PKM: variants seen among roughly 807,000 people sequenced by gnomAD.
The protein encoded by PKM is pyruvate kinase M1/2, also known as pyruvate kinase PKM.
In PKM, 18 loss-of-function variants were observed where a neutral mutation model predicts 49.8. The observed-to-expected ratio is 0.36, with a 90% confidence interval of 0.25 to 0.54. The LOEUF is 0.54. PKM is among the 20% of genes least tolerant of loss of function. The probability of loss-of-function intolerance (pLI) is 0.89; values close to 1 mark genes in which losing one functional copy is unlikely to be tolerated. For synonymous variants in PKM, 239 were observed against 261.8 expected, an observed-to-expected ratio of 0.91 and a Z score of 0.84; for missense variants, 508 against 713.8, an observed-to-expected ratio of 0.71 and a Z score of 3.28.
chr15:72,207,002 G>C, intron 7 of PKM, 122 bp from the exon 8 acceptor site: 2 of 1,474,300 alleles, frequency 1.4e-6, no homozygotes, highest in South Asian at 2.3e-5. Flanking sequence ...AGGTACATGG[G>C]GGAAGGGGAT....
chr15:72,230,638 A>T (rs924472677), intron 1 of PKM, among the ~76,000 whole-genome samples: 3 of 152,110 alleles, frequency 2.0e-5, no homozygotes, highest in Non-Finnish European at 4.4e-5. Flanking sequence ...AGTTTCAATG[A>T]GTTACACAGA....
chr15:72,205,445 C>T (rs759633142), intron 8 of PKM, among the ~76,000 whole-genome samples: 2 of 152,106 alleles, frequency 1.3e-5, no homozygotes, highest in Non-Finnish European at 2.9e-5. Flanking sequence ...TGGGGAAACC[C>T]ACTAAGGATG....
intron 3 of PKM, among the ~76,000 whole-genome samples, chr15:72,210,839 C>G (rs2082233017): frequency 6.6e-6 from 1 of 152,120 alleles, no homozygotes; most frequent in South Asian, 2.1e-4. Context: ...TCATCAAATA[C>G]CCTCAGCATA....
intron 1 of PKM, chr15:72,229,810 C>T (rs1394379398): frequency 1.6e-6 from 1 of 615,936 alleles, no homozygotes; most frequent in African/African-American, 1.9e-5. Flanking sequence ...TCAGTGAACG[C>T]GACAGATTTC....
At chr15:72,203,154 C>A (rs191520472) in intron 8 of PKM, 1 of 1,613,706 alleles carries the variant, frequency 6.2e-7, no homozygotes, top group African/African-American at 1.3e-5. Context: ...AAACAGCTTG[C>A]GGTGGAACAT....
At chr15:72,205,624 G>GTTTTTT (rs140232218) in intron 8 of PKM, among the ~76,000 whole-genome samples, 11 of 99,694 alleles carry the variant, frequency 1.1e-4, no homozygotes, top group East Asian at 5.9e-4. Flanking sequence ...GGGTGTTTTA[G>GTTTTTT]TTTTTTTTTT....
chr15:72,203,127 G>A, intron 8 of PKM: 1 of 1,613,962 alleles, frequency 6.2e-7, no homozygotes, highest in East Asian at 2.2e-5. Flanking sequence ...GTGACTTGAG[G>A]CTCGCACAAG....
At chr15:72,221,702 G>A (rs895534239) in intron 1 of PKM, among the ~76,000 whole-genome samples, 1 of 152,034 alleles carries the variant, frequency 6.6e-6, no homozygotes, top group Non-Finnish European at 1.5e-5. Context: ...TAAATGAAAT[G>A]TGAAGACACC....
At chr15:72,211,940 T>C (rs1015444899) in intron 3 of PKM, among the ~76,000 whole-genome samples, 1 of 152,154 alleles carries the variant, frequency 6.6e-6, no homozygotes, top group Non-Finnish European at 1.5e-5. Flanking sequence ...TAACCACCAC[T>C]GTCCAGGAAA....
chr15:72,225,052 G>A (rs1392670013), intron 1 of PKM, among the ~76,000 whole-genome samples: 2 of 148,140 alleles, frequency 1.4e-5, no homozygotes, highest in Admixed American at 1.3e-4. Flanking sequence ...CTCCTGAGTA[G>A]CTGGGACTAC....
At chr15:72,217,288 C>T in intron 3 of PKM, 121 bp downstream of exon 3, 1 of 724,992 alleles carries the variant, frequency 1.4e-6, no homozygotes, top group Non-Finnish European at 2.5e-6. Context: ...AGACAAACTT[C>T]ACACTGACTG....
chr15:72,208,852 G>T lies in PKM; in HGVS notation c.605C>A (p.Ser202Tyr), dbSNP rs141732747. 7 of 1,614,040 alleles carry T rather than the reference G, an allele frequency of 4.3e-6. No individual in the cohort carries two copies. The highest frequency in any genetic ancestry group is 1.1e-5 in the South Asian group (1 of 91,070). ...FLVTEVENGGSLGSKKGVNLP... is the reference protein window; with the variant it reads ...FLVTEVENGGYLGSKKGVNLP... The stretch of plus-strand genomic sequence containing the variant: ...GTTCACACCCTTCTTGCTGCCCAAG[G>T]AGCCACCATTTTCCACCTCCGTCAC... Residue 202 changes from serine (S) to tyrosine (Y), a missense_variant, in exon 6 of 11, where the codon TCC (serine) becomes TAC (tyrosine). Ser to Tyr is a moderately radical substitution (Grantham distance 144). Transcript: ENST00000335181.
chr15:72,202,969 G>C lies in PKM; in HGVS notation c.1141-349C>G. On this transcript the variant is annotated intron_variant, in intron 8 of 10. Transcript: ENST00000335181. This position sits in a 1 kb window ranked among gnomAD's most constrained non-coding sequence, Gnocchi z 4.5. ...GCCTGGCTGTCTTCTCCTAGAGCAG[G>C]TGGAGCAAGAGGCTGGTTATCCTAA... is the stretch of plus-strand genomic sequence containing the variant. 3 of 1,567,506 alleles carry C rather than the reference G, an allele frequency of 1.9e-6. No individual in the cohort carries two copies. The highest frequency in any genetic ancestry group is 1.8e-6 in the Non-Finnish European group (2 of 1,140,536).
At chr15:72,211,658 A>T (rs971030414) in intron 3 of PKM, among the ~76,000 whole-genome samples, 4 of 152,012 alleles carry the variant, frequency 2.6e-5, no homozygotes, top group Admixed American at 6.6e-5. Context: ...CTCTACAAAA[A>T]ACACAAAAAT....
rs2082858481 is a variant in PKM at position 72,231,167 on chromosome 15, C to T, written c.-65G>A. 1 of 287,636 alleles carries T rather than the reference C, an allele frequency of 3.5e-6. No homozygotes were observed. Among genetic ancestry groups the T allele is most frequent in the Non-Finnish European group, 7.3e-6 (1 of 136,874 alleles). 17.8% of individuals were successfully genotyped at this position (287,636 alleles called of 1,614,324 possible). A position where few individuals can be genotyped will look rare whatever the true frequency, so the allele number is the denominator to read the frequency against. On this transcript the variant is annotated 5_prime_UTR_variant, in exon 1 of 11. Coordinates refer to ENST00000335181, the MANE Select transcript of PKM (RefSeq NM_002654.6). ...GCTGCAAAGACGAAGAGATCCGGAG[C>T]CACGGCGCGTGCAGCTGCTGTGCAA...
At chr15:72,215,195 T>C (rs1316926240) in intron 3 of PKM, among the ~76,000 whole-genome samples, 1 of 145,568 alleles carries the variant, frequency 6.9e-6, no homozygotes, top group Non-Finnish European at 1.5e-5. Context: ...AGCAAGATTC[T>C]GTCTCAAAAA....
intron 8 of PKM, chr15:72,203,439 G>A (rs187883043): frequency 1.9e-6 from 1 of 531,922 alleles, no homozygotes. Context: ...TTTTTCATTG[G>A]GGGTGGAGGG....
chr15:72,229,345 G>A (rs2082776782), intron 1 of PKM, among the ~76,000 whole-genome samples: 1 of 152,192 alleles, frequency 6.6e-6, no homozygotes. Context: ...TTTCCCAGGG[G>A]AAACTGAGGT....
rs576787190 is a variant in PKM at position 72,202,896 on chromosome 15, G to A, written c.1141-276C>T. On this transcript the variant is annotated intron_variant, in intron 8 of 10. Transcript: ENST00000335181. The surrounding 1 kb of genome is among the most constrained non-coding windows in gnomAD (Gnocchi z 4.5). ...CCTGCCCTGCCATGACCTCCCTGGC[G>A]GTGTTCCTACAGACGAGAAGAGGCT... 142 of 1,011,922 alleles carry A rather than the reference G, an allele frequency of 1.4e-4. No individual in the cohort carries two copies. The highest frequency in any genetic ancestry group is 8.4e-4 in the South Asian group (65 of 77,658). The allele number at this position is 1,011,922 out of a possible 1,614,324, so 62.7% of individuals were successfully genotyped here. A position where few individuals can be genotyped will look rare whatever the true frequency, so the allele number is the denominator to read the frequency against.
Sources: gnomAD v4.1 joint callset for allele counts (sites outside exome capture counted in the v4.1 genomes callset) on GRCh38, gnomAD v4.1.1 for gene constraint, Gnocchi (gnomAD v3.1) non-coding constraint, MANE v1.5 for transcripts, NCBI Gene and HGNC (gene_info 2026-07-23, HGNC 2026-07-21) for gene names.